CCL28: variants seen among roughly 807,000 people sequenced by gnomAD.
The protein encoded by CCL28 is C-C motif chemokine ligand 28.
In CCL28, 4 loss-of-function variants were observed where a neutral mutation model predicts 7.1. The observed-to-expected ratio is 0.56, with a 90% CI of 0.28 to 1.29. The LOEUF is 1.29. Among genes scored for constraint, CCL28 ranks in the 50% most tolerant of loss-of-function variants. The pLI is 0.11. For missense variants in CCL28, 151 were observed against 163.4 expected (o/e 0.92, Z 0.41); for synonymous variants, 55 against 57.8 (o/e 0.95, Z 0.22).
At chr5:43,363,602 G>A in the CCL28 span, among the ~76,000 whole-genome samples, 3 of 152,290 alleles carry the variant, frequency 2.0e-5, no homozygotes, top group African/African-American at 4.8e-5. Flanking sequence ...TGTCAAGCCC[G>A]AGTGACCAAC....
chr5:43,384,486 G>A (rs759008957), intron 2 of CCL28, among the ~76,000 whole-genome samples: 5 of 152,186 alleles, frequency 3.3e-5, no homozygotes, highest in Non-Finnish European at 7.3e-5. Flanking sequence ...AGGATAGAAA[G>A]AGATGAAGTA....
downstream of CCL28, among the ~76,000 whole-genome samples, chr5:43,371,706 G>T (rs1739789776): frequency 6.6e-6 from 1 of 152,166 alleles, no homozygotes; most frequent in South Asian, 2.1e-4. Context: ...AAACCATCCA[G>T]CTGAGCCACT....
downstream of CCL28, among the ~76,000 whole-genome samples, chr5:43,372,516 G>A (rs1290627810): frequency 6.6e-6 from 1 of 151,910 alleles, no homozygotes. Flanking sequence ...TTACAGGTGT[G>A]TGCCACCATG....
chr5:43,388,205 A>T, intron 2 of CCL28, 145 bp downstream of exon 2: 1 of 1,002,020 alleles, frequency 1.0e-6, no homozygotes, highest in Non-Finnish European at 1.4e-6. Context: ...CCTGGGGCCT[A>T]ATGGACAGAA....
At chr5:43,364,610 A>G in the CCL28 span, among the ~76,000 whole-genome samples, 1 of 152,142 alleles carries the variant, frequency 6.6e-6, no homozygotes, top group African/African-American at 2.4e-5. Context: ...CAGTTCTAAA[A>G]AAAATGTTAA....
chr5:43,411,268 T>C (rs181472489), intron 1 of CCL28, among the ~76,000 whole-genome samples: 4 of 152,338 alleles, frequency 2.6e-5, no homozygotes, highest in Admixed American at 2.6e-4. Context: ...CTGTTCAGGA[T>C]AAAGCTTAAA....
chr5:43,377,717 C>CTTT (rs767834184), downstream of CCL28, among the ~76,000 whole-genome samples: 448 of 42,690 alleles, frequency 0.01, 126 homozygotes, highest in African/African-American at 0.029. Context: ...AGAACTTAAA[C>CTTT]TTTTTTTTTT....
chr5:43,395,557 G>A (rs555256206), intron 1 of CCL28, among the ~76,000 whole-genome samples: 43 of 152,044 alleles, frequency 2.8e-4, no homozygotes, highest in African/African-American at 9.9e-4. Flanking sequence ...CCACCTACTT[G>A]GGAGGCTAAG....
intron 1 of CCL28, among the ~76,000 whole-genome samples, chr5:43,400,993 G>A (rs1741005009): frequency 6.6e-6 from 1 of 150,816 alleles, no homozygotes; most frequent in Admixed American, 6.6e-5. Flanking sequence ...TGAGACAGGA[G>A]AATCACTTGA....
chr5:43,363,259 A>G, the CCL28 span, among the ~76,000 whole-genome samples: 8 of 152,348 alleles, frequency 5.3e-5, no homozygotes, highest in Middle Eastern at 6.8e-3. Flanking sequence ...TGAATTCTTT[A>G]GCATCTTTTA....
chr5:43,361,002 C>T, the CCL28 span, among the ~76,000 whole-genome samples: 3 of 152,014 alleles, frequency 2.0e-5, no homozygotes, highest in Non-Finnish European at 4.4e-5. Context: ...CTGACAGGAC[C>T]CAGTGTGTGT....
At chr5:43,387,763 C>T (rs1740400930) in intron 2 of CCL28, among the ~76,000 whole-genome samples, 1 of 152,126 alleles carries the variant, frequency 6.6e-6, no homozygotes, top group South Asian at 2.1e-4. Flanking sequence ...GTAGCTGGGA[C>T]TACAGGTGCA....
At chr5:43,400,187 T>C (rs1368905906) in intron 1 of CCL28, among the ~76,000 whole-genome samples, 1 of 152,014 alleles carries the variant, frequency 6.6e-6, no homozygotes, top group East Asian at 1.9e-4. Flanking sequence ...TTATTGTCAT[T>C]ATTATTCCCA....
intron 2 of CCL28, among the ~76,000 whole-genome samples, chr5:43,383,667 G>T (rs1740217012): frequency 6.6e-6 from 1 of 152,074 alleles, no homozygotes; most frequent in Non-Finnish European, 1.5e-5. Context: ...CTGTTGCGTA[G>T]GAAACAAAAA....
downstream of CCL28, among the ~76,000 whole-genome samples, chr5:43,378,616 C>T (rs1212954366): frequency 6.6e-6 from 1 of 152,090 alleles, no homozygotes; most frequent in East Asian, 1.9e-4. Context: ...AACAGTGATA[C>T]AATAATGTTT....
At chr5:43,385,188 C>T (rs1412831961) in intron 2 of CCL28, among the ~76,000 whole-genome samples, 5 of 152,150 alleles carry the variant, frequency 3.3e-5, no homozygotes, top group African/African-American at 1.2e-4. Flanking sequence ...TGAGCCACCG[C>T]GCCCGGCCAT....
At chr5:43,403,283 A>G (rs2111875671) in intron 1 of CCL28, among the ~76,000 whole-genome samples, 1 of 152,290 alleles carries the variant, frequency 6.6e-6, no homozygotes, top group African/African-American at 2.4e-5. Context: ...CTGACACCTC[A>G]TACAGCCGGG....
intron 1 of CCL28, among the ~76,000 whole-genome samples, chr5:43,390,306 G>T (rs1437316310): frequency 6.6e-6 from 1 of 152,164 alleles, no homozygotes. Flanking sequence ...GATGGAGAAG[G>T]GGTTCCCCTG....
At chr5:43,388,593 T>C in intron 1 of CCL28, 117 bp from the exon 2 acceptor site, 1 of 991,472 alleles carries the variant, frequency 1.0e-6, no homozygotes, top group Non-Finnish European at 1.5e-6. Flanking sequence ...GGGGCAAACA[T>C]GGCTTTGTGA....
Sources: allele counts gnomAD v4.1 joint callset (sites outside exome capture counted in the v4.1 genomes callset), GRCh38; gene constraint gnomAD v4.1.1; transcripts MANE v1.5; gene names NCBI Gene and HGNC (gene_info 2026-07-23, HGNC 2026-07-21).